The following FAM72C variants were observed in gnomAD, a reference collection of about 807,000 sequenced individuals.
The protein encoded by FAM72C is protein FAM72C.
A neutral mutation model predicts 5.2 loss-of-function variants in FAM72C; 1 was observed. That is an observed-to-expected ratio of 0.19 (90% confidence interval 0.07 to 0.91). The LOEUF (loss-of-function observed/expected upper bound fraction) is 0.91, where lower values mean the gene tolerates loss of function less well. Among genes scored for constraint, FAM72C ranks in the 40% least tolerant of loss-of-function variants. The pLI is 0.66. For synonymous variants in FAM72C, 1 was observed against 21.8 expected (o/e 0.05, Z 2.66); for missense variants, 4 against 66.0 (o/e 0.06, Z 3.25).
At chr1:143,967,226 C>G (rs1424830260) in intron 2 of FAM72C, among the ~76,000 whole-genome samples, 2 of 145,728 alleles carry the variant, frequency 1.4e-5, no homozygotes, top group African/African-American at 2.5e-5. Flanking sequence ...GCCTGTAATC[C>G]TAGCACTTAG....
chr1:143,959,616 A>G, intron 3 of FAM72C, among the ~76,000 whole-genome samples: 1 of 124,526 alleles, frequency 8.0e-6, no homozygotes, highest in South Asian at 3.0e-4. Flanking sequence ...AATACATTTA[A>G]GTTCTAAAGG....
At chr1:143,967,262 G>T (rs1661799078) in intron 2 of FAM72C, among the ~76,000 whole-genome samples, 1 of 145,804 alleles carries the variant, frequency 6.9e-6, no homozygotes, top group Non-Finnish European at 1.5e-5. Context: ...CGGACTGCCT[G>T]AGCTCAGGAG....
intron 3 of FAM72C, among the ~76,000 whole-genome samples, chr1:143,960,432 T>C (rs2101690591): frequency 8.8e-6 from 1 of 113,928 alleles, no homozygotes; most frequent in South Asian, 3.0e-4. Flanking sequence ...AAAAAGGTAC[T>C]TCAGGCCAGG....
rs1474478401 is a variant in FAM72C at position 143,960,502 on chromosome 1, C to T, written c.356-4021G>A. On this transcript the variant is annotated intron_variant, in intron 3 of 3. Transcript: ENST00000584486. ...CAGCACTTTGGGAGGCTGAGGCAGG[C>T]GGATCCCCTGAGGTCAGGTGTTCAA... 1.4e-4 allele frequency among the ~76,000 whole-genome samples: 19 copies of T among 136,942 alleles called. 1 individual carries two copies. Among genetic ancestry groups the T allele is most frequent in the Middle Eastern group, 3.5e-3 (1 of 288 alleles). 89.8% of individuals were successfully genotyped at this position (136,942 alleles called of 152,430 possible). A position where few individuals can be genotyped will look rare whatever the true frequency, so the allele number is the denominator to read the frequency against.
intron 2 of FAM72C, among the ~76,000 whole-genome samples, chr1:143,966,729 C>A (rs1351636024): frequency 6.9e-6 from 1 of 145,432 alleles, no homozygotes; most frequent in African/African-American, 2.6e-5. Flanking sequence ...TTTTGGTTTT[C>A]TTTTGAAAAT....
At chr1:143,962,311 G>A (rs868980616) in intron 3 of FAM72C, among the ~76,000 whole-genome samples, 1 of 142,414 alleles carries the variant, frequency 7.0e-6, no homozygotes. Flanking sequence ...ACCGCGCCCG[G>A]CCTCTTATTC....
chr1:143,961,999 C>T (rs1553517935), intron 3 of FAM72C, among the ~76,000 whole-genome samples: 2 of 146,538 alleles, frequency 1.4e-5, no homozygotes, highest in East Asian at 4.1e-4. Flanking sequence ...CACTAAACAA[C>T]AGATTTTTCT....
At chr1:143,963,871 G>A (rs587626705) in intron 3 of FAM72C, among the ~76,000 whole-genome samples, 3 of 129,090 alleles carry the variant, frequency 2.3e-5, no homozygotes, top group African/African-American at 8.9e-5. Context: ...AGGCTGAAAT[G>A]CACTGGCATG....
chr1:143,963,900 C>G lies in FAM72C; in HGVS notation c.355+955G>C, dbSNP rs1183618484. Reference sequence around the variant, plus strand: ...TGGCATGATCACAGCTCACTGCAGCCTCTACCTCCCAAATTCAAGTGATCC... The same window carrying G: ...TGGCATGATCACAGCTCACTGCAGCGTCTACCTCCCAAATTCAAGTGATCC... On this transcript the variant is annotated intron_variant, in intron 3 of 3. Transcript: ENST00000584486. 5.0e-5 allele frequency among the ~76,000 whole-genome samples: 6 copies of G among 121,060 alleles called. 1 individual carries two copies. In the East Asian group the frequency reaches 1.2e-3, roughly 25 times the overall value. The allele number at this position is 121,060 out of a possible 152,430, so 79.4% of individuals were successfully genotyped here.
intron 3 of FAM72C, among the ~76,000 whole-genome samples, chr1:143,959,491 T>TA (rs1303047389): frequency 8.0e-5 from 10 of 124,262 alleles, no homozygotes; most frequent in Non-Finnish European, 1.6e-4. Context: ...GAGTCCCAGA[T>TA]AAAAAAATCA....
chr1:143,960,078 G>A (rs1436386734), intron 3 of FAM72C, among the ~76,000 whole-genome samples: 4 of 114,254 alleles, frequency 3.5e-5, no homozygotes, highest in Non-Finnish European at 5.5e-5. Context: ...ATGGCTCCAG[G>A]CAATATAAAA....
chr1:143,966,975 C>A (rs1312909117), intron 2 of FAM72C, among the ~76,000 whole-genome samples: 1 of 144,106 alleles, frequency 6.9e-6, no homozygotes, highest in Non-Finnish European at 1.5e-5. Context: ...TTGCAGTGAG[C>A]CAAGATCATG....
intron 3 of FAM72C, among the ~76,000 whole-genome samples, chr1:143,961,130 G>C (rs1661616794): frequency 1.4e-5 from 2 of 140,730 alleles, no homozygotes; most frequent in African/African-American, 5.3e-5. Context: ...ATAAATGGAA[G>C]GTTTTGGCAA....
At chr1:143,960,697 G>T (rs1353380605) in intron 3 of FAM72C, among the ~76,000 whole-genome samples, 8 of 127,000 alleles carry the variant, frequency 6.3e-5, no homozygotes, top group Admixed American at 3.9e-4. Context: ...CATCAGCCTG[G>T]GAAACAAGAG....
At chr1:143,962,267 G>C (rs1553517965) in intron 3 of FAM72C, among the ~76,000 whole-genome samples, 1 of 144,846 alleles carries the variant, frequency 6.9e-6, no homozygotes, top group African/African-American at 2.5e-5. Context: ...GCCCGCTTCG[G>C]CCTCCCAAAC....
Position 143,967,253 on chromosome 1 carries a change from G to A in FAM72C, c.230+1671C>T, listed in dbSNP as rs1340893906. The stretch of plus-strand genomic sequence containing the variant: ...AGCACTTAGGGAGGCCAAGGCAGGC[G>A]GACTGCCTGAGCTCAGGAGTTTGAG... On this transcript the variant is annotated intron_variant, in intron 2 of 3. Coordinates refer to ENST00000584486, the MANE Select transcript of FAM72C (RefSeq NM_001287385.2). Among the ~76,000 whole-genome samples the A allele has an allele frequency of 1.4e-4, 20 of 145,784 alleles. 1 individual carries two copies. The highest frequency in any genetic ancestry group is 7.5e-4 in the Admixed American group (11 of 14,572).
Position 143,959,695 on chromosome 1 carries a change from C to T in FAM72C, c.356-3214G>A, listed in dbSNP as rs368780798. ...CTTAGATTGTCAAGTTACTTAAAGTCGGCTGGCGAGGTGTCTCAGGCCTGT... is the reference window on the plus strand; with the variant it reads ...CTTAGATTGTCAAGTTACTTAAAGTTGGCTGGCGAGGTGTCTCAGGCCTGT... On this transcript the variant is annotated intron_variant, in intron 3 of 3. Transcript: ENST00000584486. 1.7e-3 allele frequency among the ~76,000 whole-genome samples: 214 copies of T among 125,318 alleles called. 8 individuals are homozygous for T. In the East Asian group the frequency reaches 0.044, roughly 26 times the overall value. 82.2% of individuals were successfully genotyped at this position (125,318 alleles called of 152,430 possible).
chr1:143,963,944 G>C (rs1210774308), intron 3 of FAM72C, among the ~76,000 whole-genome samples: 1 of 85,472 alleles, frequency 1.2e-5, no homozygotes, highest in East Asian at 3.5e-4. Flanking sequence ...CAGCCTCCTG[G>C]GTAGCTGGGA....
intron 3 of FAM72C, among the ~76,000 whole-genome samples, chr1:143,960,503 G>A (rs1372513395): frequency 2.2e-5 from 3 of 138,068 alleles, no homozygotes; most frequent in East Asian, 2.1e-4. Flanking sequence ...TGAGGCAGGC[G>A]GATCCCCTGA....
Sources: gnomAD v4.1 joint callset for allele counts (sites outside exome capture counted in the v4.1 genomes callset) on GRCh38, gnomAD v4.1.1 for gene constraint, MANE v1.5 for transcripts, NCBI Gene and HGNC (gene_info 2026-07-23, HGNC 2026-07-21) for gene names.